The following PCDHA4 variants were observed in gnomAD, a reference collection of about 807,000 sequenced individuals.
PCDHA4 encodes the protein protocadherin alpha 4.
A neutral mutation model predicts 61.4 loss-of-function variants in PCDHA4; 49 were observed. The observed-to-expected ratio is 0.80, with a 90% CI of 0.63 to 1.01. The LOEUF is 1.01. PCDHA4 is among the 50% of genes least tolerant of loss of function. The pLI is 0.00. For missense variants in PCDHA4, 1,254 were observed against 1,235.8 expected (o/e 1.01, Z -0.22); for synonymous variants, 590 against 550.3 (o/e 1.07, Z -1.01).
rs76650315 is a variant in PCDHA4 at position 140,808,364 on chromosome 5, G to A, written c.1177G>A (p.Val393Ile). Reference protein sequence around the residue: ...GLVTCSLTSHVPFKLVSTFKN... With the variant: ...GLVTCSLTSHIPFKLVSTFKN... Reference sequence around the variant, plus strand: ...GGTCACCTGCTCCTTGACGTCCCACGTCCCCTTCAAGCTGGTGTCCACCTT... The same window carrying A: ...GGTCACCTGCTCCTTGACGTCCCACATCCCCTTCAAGCTGGTGTCCACCTT... Residue 393 changes from valine (V) to isoleucine (I), a missense_variant, in exon 1 of 4, where the codon GTC becomes ATC. Physicochemically the swap from Val to Ile is conservative, Grantham distance 29. Transcript: ENST00000530339. 3.7e-6 allele frequency: 6 copies of A among 1,614,170 alleles called. No homozygotes were observed. The highest frequency in any genetic ancestry group is 2.7e-5 in the African/African-American group (2 of 75,060).
intron 1 of PCDHA4, among the ~76,000 whole-genome samples, chr5:140,917,252 C>T (rs536856521): frequency 3.2e-4 from 47 of 149,018 alleles, no homozygotes; most frequent in Non-Finnish European, 4.9e-4. Flanking sequence ...TACGATTGCT[C>T]ACCTGATGTT....
intron 1 of PCDHA4, among the ~76,000 whole-genome samples, chr5:140,838,075 A>AGTGTGTG (rs781914509): frequency 1.3e-4 from 17 of 128,240 alleles, no homozygotes; most frequent in East Asian, 1.2e-3. Flanking sequence ...TTATATATAT[A>AGTGTGTG]TAGTGTGTGT....
intron 1 of PCDHA4, among the ~76,000 whole-genome samples, chr5:140,915,626 G>GTCTCTC (rs57920489): frequency 0.011 from 1,557 of 146,506 alleles, 25 homozygotes; most frequent in African/African-American, 0.018. Flanking sequence ...GTCTCTTTCT[G>GTCTCTC]TCTCTCTCTC....
chr5:140,948,315 G>A (rs246048), intron 1 of PCDHA4, among the ~76,000 whole-genome samples: 85,363 of 151,182 alleles, frequency 0.56, 24,689 homozygotes, highest in African/African-American at 0.69. Context: ...TTCTTGAGGG[G>A]TAATGTTTTC....
chr5:140,875,160 C>A, intron 1 of PCDHA4: 1 of 339,568 alleles, frequency 2.9e-6, no homozygotes, highest in Non-Finnish European at 5.1e-6. Flanking sequence ...GAAAAATAAC[C>A]CAAAGTCGAA....
rs142570778 is a variant in PCDHA4 at position 141,009,810 on chromosome 5, A to G, written c.2717A>G (p.Asp906Gly). ...CAGGAGCCTACTAACAGCCAAATTG[A>G]CAAAAGTGACTTCATAACCTTCGGC... ...IRQEPTNSQI[D>G]KSDFITFGKK... The change falls in exon 4 of 4, where the codon GAC (aspartate) becomes GGC (glycine). Residue 906 changes from aspartate to glycine, a missense_variant. Asp to Gly is a moderately conservative substitution (Grantham distance 94). Transcript: ENST00000530339. 8 of 1,614,016 alleles carry G rather than the reference A, an allele frequency of 5.0e-6. No individual in the cohort carries two copies. Among genetic ancestry groups the G allele is most frequent in the Admixed American group, 3.3e-5 (2 of 60,000 alleles).
chr5:140,823,823 C>T lies in PCDHA4; in HGVS notation c.2385+14251C>T, dbSNP rs2150129427. 5.6e-6 allele frequency: 9 copies of T among 1,613,816 alleles called. No homozygotes were observed. In the Admixed American group the frequency reaches 1.3e-4, roughly 24 times the overall value. On this transcript the variant is annotated intron_variant, in intron 1 of 3. Coordinates refer to ENST00000530339, the MANE Select transcript of PCDHA4 (RefSeq NM_018907.4). ...CCGAAGGCCTCATCGCGGGCGTCGG[C>T]GGGCGCTGTGGGTCCCGAGGCTGCC... is the stretch of plus-strand genomic sequence containing the variant.
Position 140,824,370 on chromosome 5 carries a change from T to C in PCDHA4, c.2385+14798T>C, listed in dbSNP as rs1768101933. 20 of 570,032 alleles carry C rather than the reference T, an allele frequency of 3.5e-5. No homozygotes were observed. In the South Asian group the frequency reaches 4.2e-4, roughly 12 times the overall value. The allele number at this position is 570,032 out of a possible 1,614,324, so 35.3% of individuals were successfully genotyped here. On this transcript the variant is annotated intron_variant, in intron 1 of 3. Coordinates refer to ENST00000530339, the MANE Select transcript of PCDHA4 (RefSeq NM_018907.4). ...ATAATATTTTATATTAGCATTTGAA[T>C]TTTGCATCTCTAAAAATGTAGGATA...
At chr5:140,905,251 A>G (rs1382207700) in intron 1 of PCDHA4, among the ~76,000 whole-genome samples, 4 of 152,174 alleles carry the variant, frequency 2.6e-5, no homozygotes, top group East Asian at 1.9e-4. Context: ...ATTCTTCCAC[A>G]TGAGGCTTGG....
chr5:140,973,486 C>G (rs1404281642), intron 1 of PCDHA4, among the ~76,000 whole-genome samples: 1 of 152,162 alleles, frequency 6.6e-6, no homozygotes, highest in African/African-American at 2.4e-5. Context: ...ATATTGGTCA[C>G]AGGACTCTTC....
intron 1 of PCDHA4, among the ~76,000 whole-genome samples, chr5:140,837,513 T>C (rs1414175460): frequency 1.0e-5 from 1 of 96,810 alleles, no homozygotes. Context: ...CTGAAGCAGT[T>C]TACTTTTTTT....
intron 1 of PCDHA4, chr5:140,848,888 A>C: frequency 6.4e-7 from 1 of 1,564,652 alleles, no homozygotes; most frequent in South Asian, 1.1e-5. Flanking sequence ...ACAACCCTCC[A>C]GTGTTCCCAG....
At chr5:140,857,991 T>A (rs1554150990) in intron 1 of PCDHA4, 1 of 1,596,560 alleles carries the variant, frequency 6.3e-7, no homozygotes. Context: ...CGCCTACTGG[T>A]GCTGGTGAAG....
chr5:140,853,934 C>T (rs2042914376), intron 1 of PCDHA4: 1 of 864,500 alleles, frequency 1.2e-6, no homozygotes, highest in South Asian at 5.2e-5. Context: ...TTTGGGAGGC[C>T]AAGGTGGGAG....
At chr5:140,938,205 C>T (rs1435832298) in intron 1 of PCDHA4, among the ~76,000 whole-genome samples, 3 of 152,160 alleles carry the variant, frequency 2.0e-5, no homozygotes, top group Non-Finnish European at 4.4e-5. Context: ...GCCAGCCTCC[C>T]AAAGTGCTGG....
At chr5:140,884,954 T>C (rs2060416589) in intron 1 of PCDHA4, among the ~76,000 whole-genome samples, 1 of 152,208 alleles carries the variant, frequency 6.6e-6, no homozygotes, top group Non-Finnish European at 1.5e-5. Context: ...TTACAAAAAA[T>C]TCCTCACGTT....
chr5:140,856,258 C>G, intron 1 of PCDHA4: 1 of 1,598,068 alleles, frequency 6.3e-7, no homozygotes, highest in South Asian at 1.1e-5. Context: ...CCAAAAGACA[C>G]GGGGACCTTC....
intron 1 of PCDHA4, chr5:140,848,457 G>A (rs1030799361): frequency 6.5e-7 from 1 of 1,527,596 alleles, no homozygotes; most frequent in African/African-American, 1.4e-5. Context: ...CTAATTTGGA[G>A]GCAATTTTCA....
intron 1 of PCDHA4, chr5:140,835,368 C>A: frequency 1.2e-6 from 2 of 1,613,924 alleles, no homozygotes; most frequent in African/African-American, 1.3e-5. Flanking sequence ...AGGCTTCCCA[C>A]CCCTGGCTGG....
Sources: allele counts gnomAD v4.1 joint callset (sites outside exome capture counted in the v4.1 genomes callset), GRCh38; gene constraint gnomAD v4.1.1; transcripts MANE v1.5; gene names NCBI Gene and HGNC (gene_info 2026-07-23, HGNC 2026-07-21).